DLG2: variants seen among roughly 807,000 people sequenced by gnomAD.
The protein encoded by DLG2 is discs large MAGUK scaffold protein 2.
Under a neutral mutation model 132.5 loss-of-function variants are expected in DLG2, and 45 were observed. The ratio of observed to expected loss-of-function variants is 0.34; its 90% CI spans 0.27 to 0.44. DLG2 has a LOEUF of 0.44. DLG2 is among the 20% of genes least tolerant of loss of function. DLG2 has a pLI of 1.00. For synonymous variants in DLG2, 424 were observed against 419.6 expected, an observed-to-expected ratio of 1.01 and a Z score of -0.13; for missense variants, 1,045 against 1,196.9, an observed-to-expected ratio of 0.87 and a Z score of 1.87.
At chr11:84,893,298 C>G (rs1384454589) in intron 6 of DLG2, among the ~76,000 whole-genome samples, 3 of 152,126 alleles carry the variant, frequency 2.0e-5, no homozygotes, top group Non-Finnish European at 4.4e-5. Context: ...CCAAATTGTC[C>G]TGTTTCTAGA....
chr11:83,684,756 A>C (rs1044060290), intron 18 of DLG2, among the ~76,000 whole-genome samples: 5 of 151,960 alleles, frequency 3.3e-5, no homozygotes, highest in African/African-American at 1.2e-4. Context: ...TTAGCCCCCA[A>C]ATCCCCTCAG....
At chr11:83,678,420 C>G (rs1349792613) in intron 18 of DLG2, among the ~76,000 whole-genome samples, 1 of 152,148 alleles carries the variant, frequency 6.6e-6, no homozygotes, top group African/African-American at 2.4e-5. Flanking sequence ...AGCCCTTCTT[C>G]TTTTTCATAG....
In DLG2 at chr11:84,067,747, C is replaced by T. The variant is rs576734688; in HGVS notation, c.750-8263G>A. On this transcript the variant is annotated intron_variant, in intron 10 of 27. Transcript: ENST00000376104. ...CAGTTAAGGTTCTCCCTTGTTGAAACTTCTCACCCTAATGATCTGTATATT... is the reference window on the plus strand; with the variant it reads ...CAGTTAAGGTTCTCCCTTGTTGAAATTTCTCACCCTAATGATCTGTATATT... Among the ~76,000 whole-genome samples the T allele has an allele frequency of 3.9e-5, 6 of 152,300 alleles. No individual in the cohort carries two copies. The South Asian group carries it at 1.2e-3, about 32-fold the overall frequency.
intron 4 of DLG2, among the ~76,000 whole-genome samples, chr11:85,175,050 T>C (rs1267353951): frequency 1.3e-5 from 2 of 152,220 alleles, no homozygotes; most frequent in East Asian, 1.9e-4. Flanking sequence ...AAAGAAAATC[T>C]GGTACCATTT....
chr11:84,716,242 AT>A (rs557540823), intron 6 of DLG2, among the ~76,000 whole-genome samples: 18 of 151,788 alleles, frequency 1.2e-4, no homozygotes, highest in African/African-American at 4.1e-4. Context: ...TCCCTTGTGC[AT>A]TTTTTTTAAC....
intron 8 of DLG2, among the ~76,000 whole-genome samples, chr11:84,181,204 A>G (rs1178848933): frequency 1.3e-5 from 2 of 151,716 alleles, no homozygotes; most frequent in Non-Finnish European, 2.9e-5. Context: ...ATAATACAAG[A>G]AACTATGGCA....
intron 6 of DLG2, among the ~76,000 whole-genome samples, chr11:84,998,156 T>C (rs1332985916): frequency 6.6e-6 from 1 of 152,108 alleles, no homozygotes; most frequent in Non-Finnish European, 1.5e-5. Flanking sequence ...ACCAACCTAA[T>C]AGATTGACAT....
intron 6 of DLG2, among the ~76,000 whole-genome samples, chr11:84,872,748 C>T (rs1429297578): frequency 6.6e-6 from 1 of 152,178 alleles, no homozygotes; most frequent in African/African-American, 2.4e-5. Flanking sequence ...ACTCTCTTTA[C>T]AGTTTCACAA....
chr11:84,477,458 G>C (rs978382510), intron 7 of DLG2, among the ~76,000 whole-genome samples: 1 of 152,034 alleles, frequency 6.6e-6, no homozygotes, highest in Non-Finnish European at 1.5e-5. Flanking sequence ...TTGTGTCATT[G>C]TACTCCAACC....
chr11:85,203,009 A>G (rs1565152226), intron 4 of DLG2, among the ~76,000 whole-genome samples: 1 of 150,506 alleles, frequency 6.6e-6, no homozygotes, highest in African/African-American at 2.4e-5. Context: ...AACCCAACTT[A>G]TATTATTAAA....
At chr11:85,323,244 T>C (rs1008118402) in intron 3 of DLG2, among the ~76,000 whole-genome samples, 1 of 152,204 alleles carries the variant, frequency 6.6e-6, no homozygotes, top group Non-Finnish European at 1.5e-5. Context: ...CCTAAAATAT[T>C]GTCAGCTGAA....
chr11:85,351,549 G>A (rs1249379001), intron 3 of DLG2, among the ~76,000 whole-genome samples: 1 of 152,156 alleles, frequency 6.6e-6, no homozygotes, highest in African/African-American at 2.4e-5. Flanking sequence ...CTGTGGGTTT[G>A]TCATAAATAG....
At chr11:83,643,353 A>G (rs142480480) in intron 18 of DLG2, among the ~76,000 whole-genome samples, 1,993 of 152,272 alleles carry the variant, frequency 0.013, 55 homozygotes, top group African/African-American at 0.045. Context: ...CTAGCTGCCA[A>G]TGGTGATTCT....
intron 3 of DLG2, among the ~76,000 whole-genome samples, chr11:85,485,275 C>T (rs898747926): frequency 1.3e-5 from 2 of 152,000 alleles, no homozygotes; most frequent in South Asian, 2.1e-4. Context: ...GTGGGTGCAG[C>T]GCACCAGCAT....
At chr11:85,312,522 T>C (rs2080380588) in intron 3 of DLG2, among the ~76,000 whole-genome samples, 1 of 151,858 alleles carries the variant, frequency 6.6e-6, no homozygotes, top group Non-Finnish European at 1.5e-5. Flanking sequence ...ATCATTGTTT[T>C]TATTGAGATA....
At chr11:84,456,676 T>A (rs541862269) in intron 7 of DLG2, among the ~76,000 whole-genome samples, 2 of 151,534 alleles carry the variant, frequency 1.3e-5, no homozygotes, top group African/African-American at 4.8e-5. Context: ...TTTCAATGAA[T>A]CTGTTCCTTT....
At chr11:84,281,409 T>C (rs1275212916) in intron 7 of DLG2, among the ~76,000 whole-genome samples, 1 of 152,254 alleles carries the variant, frequency 6.6e-6, no homozygotes, top group East Asian at 1.9e-4. Context: ...GACTTGTTTC[T>C]AAAAAACAAA....
chr11:85,570,004 G>A (rs2077753982), intron 3 of DLG2, among the ~76,000 whole-genome samples: 1 of 152,168 alleles, frequency 6.6e-6, no homozygotes, highest in Non-Finnish European at 1.5e-5. Flanking sequence ...GGAAGAGGGG[G>A]ACGTACGAAG....
chr11:84,893,087 T>C (rs187120394), intron 6 of DLG2, among the ~76,000 whole-genome samples: 242 of 152,236 alleles, frequency 1.6e-3, no homozygotes, highest in Non-Finnish European at 2.6e-3. Flanking sequence ...CAATAAAAAT[T>C]TTAAGCGCTT....
Sources: allele counts gnomAD v4.1 joint callset (sites outside exome capture counted in the v4.1 genomes callset), GRCh38; gene constraint gnomAD v4.1.1; transcripts MANE v1.5; gene names NCBI Gene and HGNC (gene_info 2026-07-23, HGNC 2026-07-21).